CNTNAP2: variants seen among roughly 807,000 people sequenced by gnomAD.
The protein encoded by CNTNAP2 is contactin associated protein 2, also known as contactin-associated protein-like 2.
A neutral mutation model predicts 155.2 loss-of-function variants in CNTNAP2; 98 were observed. The observed-to-expected ratio is 0.63, with a 90% CI of 0.54 to 0.75. CNTNAP2 has a LOEUF of 0.75. CNTNAP2 is among the 30% of genes least tolerant of loss of function. The pLI is 0.00. For missense variants in CNTNAP2, 1,727 were observed against 1,688.1 expected (o/e 1.02, Z -0.40); for synonymous variants, 651 against 631.2 (o/e 1.03, Z -0.47).
intron 12 of CNTNAP2, among the ~76,000 whole-genome samples, chr7:147,578,005 C>A (rs916005233): frequency 1.3e-5 from 2 of 152,092 alleles, no homozygotes; most frequent in Admixed American, 1.3e-4. Context: ...AATGTTCCAA[C>A]TTCTATACAA....
At chr7:148,029,696 G>A (rs928100013) in intron 15 of CNTNAP2, among the ~76,000 whole-genome samples, 2 of 152,100 alleles carry the variant, frequency 1.3e-5, no homozygotes, top group Non-Finnish European at 2.9e-5. Context: ...ACCTTGACTC[G>A]ATGGTAGTCT....
At position 147,230,749 on chromosome 7, in the gene CNTNAP2, C is replaced by T. The variant is rs547093880; in HGVS notation, c.1349-69392C>T. On this transcript the variant is annotated intron_variant, in intron 8 of 23. Transcript: ENST00000361727. ...TGAACCAACATCTCCTCATTTACTC[C>T]ACACCCTATCCCCTGACAACCACTA... Among the ~76,000 whole-genome samples, 11 of 152,204 alleles carry T rather than the reference C, an allele frequency of 7.2e-5. No individual in the cohort carries two copies. In the South Asian group the frequency reaches 2.3e-3, roughly 32 times the overall value.
intron 23 of CNTNAP2, among the ~76,000 whole-genome samples, chr7:148,410,918 T>G (rs1799820304): frequency 6.6e-6 from 1 of 152,202 alleles, no homozygotes; most frequent in African/African-American, 2.4e-5. Flanking sequence ...GTACTGTACT[T>G]GGTTGATGAA....
intron 9 of CNTNAP2, among the ~76,000 whole-genome samples, chr7:147,303,963 C>T: frequency 6.6e-6 from 1 of 152,190 alleles, no homozygotes; most frequent in East Asian, 1.9e-4. Context: ...TCACTGAAAG[C>T]CTCAAGTAAA....
intron 12 of CNTNAP2, among the ~76,000 whole-genome samples, chr7:147,598,252 T>C (rs1314010330): frequency 1.3e-4 from 19 of 151,938 alleles, no homozygotes; most frequent in Admixed American, 1.1e-3. Flanking sequence ...GCCATGGTGG[T>C]TTGTTGTACC....
chr7:147,109,135 C>A (rs1277662639), intron 5 of CNTNAP2, among the ~76,000 whole-genome samples: 3 of 152,142 alleles, frequency 2.0e-5, no homozygotes, highest in African/African-American at 7.2e-5. Context: ...ATTGAGACTT[C>A]TGTAAGAAGA....
intron 2 of CNTNAP2, among the ~76,000 whole-genome samples, chr7:146,784,973 CT>C (rs11301712): frequency 0.36 from 51,201 of 141,480 alleles, 8,230 homozygotes; most frequent in African/African-American, 0.42. Flanking sequence ...TATCCCTTTG[CT>C]TTTTTTTTTT....
chr7:147,605,457 G>A (rs1801041532), intron 12 of CNTNAP2, among the ~76,000 whole-genome samples: 2 of 152,142 alleles, frequency 1.3e-5, no homozygotes, highest in Non-Finnish European at 2.9e-5. Flanking sequence ...ATTATGTGAG[G>A]TGAGGAAAGG....
chr7:146,556,050 G>A (rs550002004), intron 1 of CNTNAP2, among the ~76,000 whole-genome samples: 4 of 152,202 alleles, frequency 2.6e-5, no homozygotes, highest in South Asian at 4.1e-4. Flanking sequence ...TTGTTACATA[G>A]CAATATTTTA....
At chr7:148,254,859 ACT>A (rs1314485304) in intron 20 of CNTNAP2, among the ~76,000 whole-genome samples, 1 of 150,030 alleles carries the variant, frequency 6.7e-6, no homozygotes, top group African/African-American at 2.5e-5. Context: ...TTCAAAAGCG[ACT>A]CTTCCTAATT....
intron 13 of CNTNAP2, among the ~76,000 whole-genome samples, chr7:147,829,170 T>C (rs573339479): frequency 6.8e-4 from 104 of 152,294 alleles, no homozygotes; most frequent in South Asian, 1.5e-3. Context: ...TTTTTTCAGG[T>C]GGCCCTCTAC....
At chr7:147,252,153 G>A (rs1804213320) in intron 8 of CNTNAP2, among the ~76,000 whole-genome samples, 1 of 152,104 alleles carries the variant, frequency 6.6e-6, no homozygotes, top group South Asian at 2.1e-4. Flanking sequence ...TTCTCCCCTA[G>A]GTAGAAACAT....
chr7:146,288,204 G>A (rs578226694), intron 1 of CNTNAP2, among the ~76,000 whole-genome samples: 1 of 151,638 alleles, frequency 6.6e-6, no homozygotes, highest in Non-Finnish European at 1.5e-5. Context: ...AGGCTGAGGT[G>A]GGAGGATTGC....
intron 3 of CNTNAP2, among the ~76,000 whole-genome samples, chr7:146,953,903 C>A (rs1012040214): frequency 1.3e-5 from 2 of 151,902 alleles, no homozygotes; most frequent in Non-Finnish European, 2.9e-5. Context: ...TCTGTTTCAG[C>A]ATAGTGTTAT....
At chr7:147,261,459 A>G (rs770290670) in intron 8 of CNTNAP2, among the ~76,000 whole-genome samples, 2 of 152,106 alleles carry the variant, frequency 1.3e-5, no homozygotes, top group Non-Finnish European at 2.9e-5. Context: ...TCCACATACA[A>G]TTCTATGTTG....
intron 1 of CNTNAP2, among the ~76,000 whole-genome samples, chr7:146,754,083 G>T (rs1801950783): frequency 6.6e-6 from 1 of 151,880 alleles, no homozygotes; most frequent in Non-Finnish European, 1.5e-5. Context: ...CTTTCAATAA[G>T]ACACAAGTTT....
At chr7:147,862,663 A>G (rs1584997392) in intron 13 of CNTNAP2, among the ~76,000 whole-genome samples, 1 of 152,046 alleles carries the variant, frequency 6.6e-6, no homozygotes, top group East Asian at 1.9e-4. Flanking sequence ...ACATATACAC[A>G]TACACACACA....
chr7:147,657,593 T>C (rs898459628), intron 13 of CNTNAP2, among the ~76,000 whole-genome samples: 1 of 152,082 alleles, frequency 6.6e-6, no homozygotes, highest in Non-Finnish European at 1.5e-5. Flanking sequence ...CAGTAAGATA[T>C]ATAAAATATG....
chr7:146,642,545 A>C (rs1799730161), intron 1 of CNTNAP2, among the ~76,000 whole-genome samples: 1 of 151,090 alleles, frequency 6.6e-6, no homozygotes, highest in Admixed American at 6.6e-5. Context: ...CATTTTCTTC[A>C]TCCAGTCTAT....
Sources: allele counts gnomAD v4.1 joint callset (sites outside exome capture counted in the v4.1 genomes callset), GRCh38; gene constraint gnomAD v4.1.1; transcripts MANE v1.5; gene names NCBI Gene and HGNC (gene_info 2026-07-23, HGNC 2026-07-21).